BLK: variants seen among roughly 807,000 people sequenced by gnomAD.
The protein encoded by BLK is tyrosine-protein kinase Blk.
Under a neutral mutation model 61.8 loss-of-function variants are expected in BLK, and 64 were observed. The observed-to-expected ratio is 1.03, with a 90% CI of 0.85 to 1.27. The LOEUF is 1.27. Among genes scored for constraint, BLK ranks in the 50% most tolerant of loss-of-function variants. The pLI is 0.00. For synonymous variants in BLK, 351 were observed against 272.0 expected (o/e 1.29, Z -2.86); for missense variants, 853 against 660.5 (o/e 1.29, Z -3.19).
intron 1 of BLK, among the ~76,000 whole-genome samples, 184 bp downstream of exon 1, chr8:11,494,775 GT>G (rs1350332029): frequency 6.6e-6 from 1 of 152,216 alleles, no homozygotes; most frequent in African/African-American, 2.4e-5. Flanking sequence ...TGCATTTCCA[GT>G]TTTGAGAATT....
At chr8:11,530,570 C>G (rs2264868) in intron 1 of BLK, among the ~76,000 whole-genome samples, 149,785 of 152,336 alleles carry the variant, frequency 0.98, 73,659 homozygotes, top group East Asian at 1. Flanking sequence ...GTTAAAAATA[C>G]TCACAAATAA....
At chr8:11,560,314 CATAGATGGATGG>C (rs1801447086) in intron 10 of BLK, 1 of 192,812 alleles carries the variant, frequency 5.2e-6, no homozygotes, top group African/African-American at 2.8e-5. Context: ...TGGAAGGATG[CATAGATGGATGG>C]ATGGATGGAT....
At chr8:11,515,916 A>AT (rs1799206872) in intron 1 of BLK, among the ~76,000 whole-genome samples, 1 of 152,208 alleles carries the variant, frequency 6.6e-6, no homozygotes, top group African/African-American at 2.4e-5. Context: ...ACCCAGGGGC[A>AT]TTGCCTGTAG....
chr8:11,524,413 A>C lies in BLK; in HGVS notation c.-1-18811A>C, dbSNP rs7008650. ...TTTCTACATGTGCAGTACTTGCTTAATAAAAAATGAGATTGAAAAGTAAAA... is the reference window on the plus strand; with the variant it reads ...TTTCTACATGTGCAGTACTTGCTTACTAAAAAATGAGATTGAAAAGTAAAA... On this transcript the variant is annotated intron_variant, in intron 1 of 12. Coordinates refer to ENST00000259089, the MANE Select transcript of BLK (RefSeq NM_001715.3). Among the ~76,000 whole-genome samples, 920 of 152,328 alleles carry C rather than the reference A, an allele frequency of 6.0e-3. 6 individuals are homozygous for C. The highest frequency in any genetic ancestry group is 0.021 in the African/African-American group (887 of 41,574).
intron 1 of BLK, among the ~76,000 whole-genome samples, chr8:11,541,060 G>A (rs1476188631): frequency 3.9e-5 from 6 of 152,168 alleles, no homozygotes; most frequent in Non-Finnish European, 7.3e-5. Context: ...GAGCTCTGGA[G>A]TTTGAGACCA....
At chr8:11,531,178 T>A (rs769660472) in intron 1 of BLK, among the ~76,000 whole-genome samples, 1 of 152,238 alleles carries the variant, frequency 6.6e-6, no homozygotes, top group Non-Finnish European at 1.5e-5. Flanking sequence ...ATTTTTGGCT[T>A]CTTTTATAGA....
Position 11,554,824 on chromosome 8 carries a change from G to A in BLK, c.554G>A (p.Gly185Glu), listed in dbSNP as rs755705290. ...TATAAGATCCGCTGCCTGGATGAAG[G>A]GGGCTACTACATCTCCCCCCGGATC... is the stretch of plus-strand genomic sequence containing the variant. ...KHYKIRCLDE[G>E]GYYISPRITF... The change falls in exon 7 of 13, where the codon GGG (glycine) becomes GAG (glutamate). Residue 185 changes from glycine to glutamate, a missense_variant. Coordinates refer to ENST00000259089, the MANE Select transcript of BLK (RefSeq NM_001715.3). 2 of 1,614,018 alleles carry A rather than the reference G, an allele frequency of 1.2e-6. No homozygotes were observed. The highest frequency in any genetic ancestry group is 1.7e-5 in the Admixed American group (1 of 60,026).
At chr8:11,541,737 A>G (rs1800389816) in intron 1 of BLK, among the ~76,000 whole-genome samples, 1 of 152,140 alleles carries the variant, frequency 6.6e-6, no homozygotes, top group Admixed American at 6.6e-5. Context: ...ACCTCAAGGG[A>G]TCTGCCCGCC....
At chr8:11,550,015 G>A in intron 5 of BLK, 144 bp from the exon 6 acceptor site, 1 of 741,382 alleles carries the variant, frequency 1.3e-6, no homozygotes, top group South Asian at 1.5e-5. Context: ...ATCACGGTGT[G>A]AGGAGCAGCA....
In BLK at chr8:11,549,135, G is replaced by C; in HGVS notation, c.368+13G>C. 1 of 1,588,636 alleles carries C rather than the reference G, an allele frequency of 6.3e-7. No individual in the cohort carries two copies. Among genetic ancestry groups the C allele is most frequent in the Non-Finnish European group, 8.6e-7 (1 of 1,166,348 alleles). On this transcript the variant is annotated intron_variant, in intron 5 of 12. Coordinates refer to ENST00000259089, the MANE Select transcript of BLK (RefSeq NM_001715.3). ...TGGAAATGGAAAGGTAGGTGGGCAC[G>C]GGAACCCCCCTCGAGCCAAGATGCA...
rs113996352 is a variant in BLK, at chr8:11,502,664, C to T, written c.-2+8073C>T. Among the ~76,000 whole-genome samples the T allele has an allele frequency of 9.6e-3, 1,456 of 152,274 alleles. 28 individuals carry two copies. Among genetic ancestry groups the T allele is most frequent in the African/African-American group, 0.033 (1,388 of 41,538 alleles). On this transcript the variant is annotated intron_variant, in intron 1 of 12. Coordinates refer to ENST00000259089, the MANE Select transcript of BLK (RefSeq NM_001715.3). The stretch of plus-strand genomic sequence containing the variant: ...ACAAAATTCCTGAGAATTTAACAAC[C>T]GGCTCTAGCATACCGGCACAAGCTG...
intron 1 of BLK, among the ~76,000 whole-genome samples, chr8:11,498,648 G>T (rs887594659): frequency 5.9e-5 from 9 of 152,180 alleles, no homozygotes; most frequent in Admixed American, 5.9e-4. Context: ...CCAGTGCAAG[G>T]TTCAGCCCTG....
intron 1 of BLK, among the ~76,000 whole-genome samples, chr8:11,508,071 G>A (rs1182048170): frequency 1.3e-5 from 2 of 152,154 alleles, no homozygotes; most frequent in African/African-American, 4.8e-5. Flanking sequence ...CAACAGCCCC[G>A]TGATGTCATC....
chr8:11,562,734 G>A (rs1401834133), intron 11 of BLK, among the ~76,000 whole-genome samples: 4 of 152,260 alleles, frequency 2.6e-5, no homozygotes, highest in Non-Finnish European at 5.9e-5. Flanking sequence ...AAGAACCAAA[G>A]TGGGTGACTG....
chr8:11,504,004 T>C (rs1311455582), intron 1 of BLK, among the ~76,000 whole-genome samples: 1 of 152,194 alleles, frequency 6.6e-6, no homozygotes, highest in Non-Finnish European at 1.5e-5. Flanking sequence ...CAGCCTTTCT[T>C]GGAGCTTAGG....
chr8:11,530,963 C>G (rs933796859), intron 1 of BLK, among the ~76,000 whole-genome samples: 20 of 152,194 alleles, frequency 1.3e-4, no homozygotes, highest in Non-Finnish European at 1.5e-4. Context: ...TTACCATCAG[C>G]CTCAGGTGAG....
intron 1 of BLK, among the ~76,000 whole-genome samples, chr8:11,506,529 C>G (rs1382153138): frequency 1.3e-5 from 2 of 152,122 alleles, no homozygotes; most frequent in African/African-American, 4.8e-5. Context: ...GAGTGTGAAT[C>G]TCAGTCCACA....
At chr8:11,521,801 C>G (rs1015650198) in intron 1 of BLK, among the ~76,000 whole-genome samples, 5 of 152,176 alleles carry the variant, frequency 3.3e-5, no homozygotes, top group Admixed American at 3.3e-4. Flanking sequence ...ACTCCCTGGT[C>G]CGTTCCATCT....
chr8:11,560,101 T>C, intron 10 of BLK: 1 of 233,346 alleles, frequency 4.3e-6, no homozygotes, highest in African/African-American at 2.5e-5. Context: ...TTGCATGGTG[T>C]AGCAAGGGGA....
Sources: gnomAD v4.1 joint callset for allele counts (sites outside exome capture counted in the v4.1 genomes callset) on GRCh38, gnomAD v4.1.1 for gene constraint, MANE v1.5 for transcripts, NCBI Gene and HGNC (gene_info 2026-07-23, HGNC 2026-07-21) for gene names.